The following KMT2E variants were observed in gnomAD, a reference collection of about 807,000 sequenced individuals.
KMT2E encodes the protein lysine methyltransferase 2E (inactive).
A neutral mutation model predicts 184.6 loss-of-function variants in KMT2E; 30 were observed. The observed-to-expected ratio is 0.16, with a 90% CI of 0.12 to 0.22. KMT2E has a LOEUF of 0.22. KMT2E is among the 10% of genes least tolerant of loss of function. KMT2E has a pLI of 1.00. For missense variants in KMT2E, 2,023 were observed against 2,237.4 expected (o/e 0.90, Z 1.93); for synonymous variants, 815 against 776.5 (o/e 1.05, Z -0.82).
At chr7:105,070,863 T>A (rs1026504143) in intron 6 of KMT2E, among the ~76,000 whole-genome samples, 1 of 152,098 alleles carries the variant, frequency 6.6e-6, no homozygotes, top group African/African-American at 2.4e-5. Context: ...TTATATACTT[T>A]ATAATTATGT....
At chr7:105,057,508 G>A (rs1047709993) in intron 3 of KMT2E, among the ~76,000 whole-genome samples, 1 of 152,008 alleles carries the variant, frequency 6.6e-6, no homozygotes, top group Non-Finnish European at 1.5e-5. Context: ...ACAGTGACAT[G>A]ATCATAGCTC....
intron 13 of KMT2E, among the ~76,000 whole-genome samples, chr7:105,085,118 CAT>C (rs1000417026): frequency 2.8e-4 from 43 of 151,380 alleles, no homozygotes; most frequent in Admixed American, 9.9e-4. Context: ...AATTTTCAAA[CAT>C]GTTTCCAATA....
At chr7:105,108,464 T>C in intron 22 of KMT2E, 5 of 414,532 alleles carry the variant, frequency 1.2e-5, no homozygotes, top group South Asian at 5.3e-5. Flanking sequence ...AAAGAAACTA[T>C]AGCACTTATT....
In KMT2E at chr7:105,114,096, C is replaced by A. The variant is rs1799480759; in HGVS notation, c.*763C>A. On this transcript the variant is annotated 3_prime_UTR_variant, in exon 27 of 27. Transcript: ENST00000311117. ...ATTATGTCAGTTTTACCAGATTGTC[C>A]TGTACAACTTCTAAGATCGGGATCT... 1 of 152,522 alleles carries A rather than the reference C, an allele frequency of 6.6e-6. No homozygotes were observed. Among genetic ancestry groups the A allele is most frequent in the Non-Finnish European group, 1.5e-5 (1 of 68,032 alleles). 9.4% of individuals were successfully genotyped at this position (152,522 alleles called of 1,614,324 possible). A position where few individuals can be genotyped will look rare whatever the true frequency, so the allele number is the denominator to read the frequency against.
At chr7:105,081,990 C>A (rs576449439) in intron 13 of KMT2E, among the ~76,000 whole-genome samples, 193 bp downstream of exon 13, 1 of 152,246 alleles carries the variant, frequency 6.6e-6, no homozygotes, top group African/African-American at 2.4e-5. Context: ...TCTACATTTT[C>A]CTTAATTATT....
At chr7:105,074,993 C>T (rs575420109) in intron 8 of KMT2E, among the ~76,000 whole-genome samples, 178 bp downstream of exon 8, 1 of 152,206 alleles carries the variant, frequency 6.6e-6, no homozygotes, top group African/African-American at 2.4e-5. Flanking sequence ...AAGATTGAAG[C>T]AGATTAGAGA....
chr7:105,051,140 C>T (rs1007974044), intron 3 of KMT2E, among the ~76,000 whole-genome samples: 4 of 148,698 alleles, frequency 2.7e-5, no homozygotes, highest in African/African-American at 5.0e-5. Flanking sequence ...TCTCTTCCTC[C>T]CTCCCTTCCT....
chr7:105,037,205 A>G (rs1477768208), intron 1 of KMT2E, among the ~76,000 whole-genome samples: 1 of 152,220 alleles, frequency 6.6e-6, no homozygotes, highest in East Asian at 1.9e-4. Flanking sequence ...AGGTGCTTAT[A>G]AAGGACAGAA....
chr7:105,031,047 T>G (rs1042456680), intron 1 of KMT2E, among the ~76,000 whole-genome samples: 4 of 152,058 alleles, frequency 2.6e-5, no homozygotes, highest in African/African-American at 9.7e-5. Context: ...GGACACTGTT[T>G]TACTTGCGAT....
intron 1 of KMT2E, among the ~76,000 whole-genome samples, chr7:105,033,905 A>G (rs1480250450): frequency 9.2e-5 from 14 of 152,228 alleles, no homozygotes; most frequent in Admixed American, 9.2e-4. Context: ...GTGAAAAAGC[A>G]GAACTCAAAG....
intron 15 of KMT2E, among the ~76,000 whole-genome samples, chr7:105,093,421 C>T (rs1798288308): frequency 6.6e-6 from 1 of 152,146 alleles, no homozygotes; most frequent in Non-Finnish European, 1.5e-5. Context: ...GTGGCTCACG[C>T]CTGTAATCCC....
chr7:105,075,081 C>G (rs1199777111), intron 8 of KMT2E, among the ~76,000 whole-genome samples: 1 of 151,998 alleles, frequency 6.6e-6, no homozygotes, highest in African/African-American at 2.4e-5. Context: ...AAATAGAAAG[C>G]CTTCATAGTT....
intron 13 of KMT2E, among the ~76,000 whole-genome samples, chr7:105,083,620 A>G (rs1306955218): frequency 1.3e-5 from 2 of 152,224 alleles, no homozygotes; most frequent in Admixed American, 6.5e-5. Context: ...CATAAACCCA[A>G]ATGCATTTGC....
chr7:105,074,929 G>T, intron 8 of KMT2E, 114 bp downstream of exon 8: 1 of 715,486 alleles, frequency 1.4e-6, no homozygotes, highest in Non-Finnish European at 2.1e-6. Context: ...GGATCTAGCA[G>T]AAGTTTTTTA....
intron 11 of KMT2E, among the ~76,000 whole-genome samples, 169 bp from the exon 12 acceptor site, chr7:105,078,657 CTTTTTTTTTTTTTTTTTTTT>C (rs71152940): frequency 4.3e-5 from 2 of 46,674 alleles, no homozygotes; most frequent in Non-Finnish European, 7.2e-5. Flanking sequence ...CATGCCTGGC[CTTTTTTTTTTTTTTTTTTTT>C]TTTTTTTTTT....
chr7:105,092,167 T>G (rs1260412129), intron 15 of KMT2E, among the ~76,000 whole-genome samples: 1 of 152,140 alleles, frequency 6.6e-6, no homozygotes, highest in Non-Finnish European at 1.5e-5. Flanking sequence ...CTCACACCAC[T>G]CACTTTGGGA....
chr7:105,054,654 A>G (rs546473204), intron 3 of KMT2E, among the ~76,000 whole-genome samples: 1 of 152,238 alleles, frequency 6.6e-6, no homozygotes, highest in South Asian at 2.1e-4. Flanking sequence ...AGCTGGGATT[A>G]TAGGCATGAG....
chr7:105,020,172 T>C (rs911221602), intron 1 of KMT2E, among the ~76,000 whole-genome samples: 6 of 151,938 alleles, frequency 3.9e-5, no homozygotes, highest in Non-Finnish European at 5.9e-5. Context: ...ATTTTAATAT[T>C]GAGAAAGATG....
At chr7:105,045,211 T>C (rs1348607060) in intron 3 of KMT2E, among the ~76,000 whole-genome samples, 1 of 152,266 alleles carries the variant, frequency 6.6e-6, no homozygotes, top group African/African-American at 2.4e-5. Context: ...TTCTCAGATC[T>C]TCTTACATTG....
Sources: gnomAD v4.1 joint callset for allele counts (sites outside exome capture counted in the v4.1 genomes callset) on GRCh38, gnomAD v4.1.1 for gene constraint, MANE v1.5 for transcripts, NCBI Gene and HGNC (gene_info 2026-07-23, HGNC 2026-07-21) for gene names.